The following UGGT1 variants were observed in gnomAD, a reference collection of about 807,000 sequenced individuals.
UGGT1 encodes the protein UDP-glucose:glycoprotein glucosyltransferase 1.
UGGT1 carries 107 observed loss-of-function variants against 203.9 expected under a neutral mutation model. The observed-to-expected ratio is 0.52, with a 90% CI of 0.45 to 0.62. The LOEUF is 0.62. Among genes scored for constraint, UGGT1 ranks in the 20% least tolerant of loss-of-function variants. UGGT1 has a pLI of 0.00. For missense variants in UGGT1, 1,673 were observed against 1,867.2 expected, an observed-to-expected ratio of 0.90 and a Z score of 1.92; for synonymous variants, 628 against 653.5, an observed-to-expected ratio of 0.96 and a Z score of 0.59.
intron 5 of UGGT1, 136 bp downstream of exon 5, chr2:128,109,882 G>T: frequency 3.1e-6 from 2 of 642,332 alleles, no homozygotes; most frequent in East Asian, 2.8e-5. Flanking sequence ...GAACCAGACT[G>T]ACTATATTTG....
At chr2:128,154,192 C>T (rs957570483) in intron 19 of UGGT1, among the ~76,000 whole-genome samples, 3 of 152,112 alleles carry the variant, frequency 2.0e-5, no homozygotes, top group Admixed American at 2.0e-4. Context: ...GCCGGGTTTT[C>T]CTTTCTTCCC....
At chr2:128,182,415 A>C (rs1691740035) in intron 37 of UGGT1, 125 bp downstream of exon 37, 2 of 1,260,582 alleles carry the variant, frequency 1.6e-6, no homozygotes, top group Non-Finnish European at 2.1e-6. Context: ...AAAAATACAC[A>C]GTGGCTGGGT....
Position 128,148,464 on chromosome 2 carries a change from C to T in UGGT1, c.2016+2497C>T, listed in dbSNP as rs1053706160. 5.3e-5 allele frequency among the ~76,000 whole-genome samples: 8 copies of T among 152,288 alleles called. No individual in the cohort carries two copies. The East Asian group carries it at 1.2e-3, about 22-fold the overall frequency. ...TTTAACTTACTGGTCAGCTGATGAA[C>T]GAACAGAGATTTCCTTTGATGCATG... On this transcript the variant is annotated intron_variant, in intron 18 of 40. Coordinates refer to ENST00000259253, the MANE Select transcript of UGGT1 (RefSeq NM_020120.4).
rs147310630 is a variant in UGGT1 at position 128,103,065 on chromosome 2, A to G, written c.195-867A>G. On this transcript the variant is annotated intron_variant, in intron 2 of 40. Coordinates refer to ENST00000259253, the MANE Select transcript of UGGT1 (RefSeq NM_020120.4). Reference sequence around the variant, plus strand: ...AGGAAATGTTTCTTATTTTTCCCATATTTCTGTGTCTAGCTGTGGAGTAGA... The same window carrying G: ...AGGAAATGTTTCTTATTTTTCCCATGTTTCTGTGTCTAGCTGTGGAGTAGA... 5.2e-4 allele frequency: 246 copies of G among 470,946 alleles called. 1 individual carries two copies. The highest frequency in any genetic ancestry group is 4.5e-3 in the African/African-American group (228 of 50,198). 29.2% of individuals were successfully genotyped at this position (470,946 alleles called of 1,614,324 possible).
chr2:128,122,654 A>G (rs1573530071), intron 10 of UGGT1, among the ~76,000 whole-genome samples: 1 of 152,188 alleles, frequency 6.6e-6, no homozygotes, highest in Non-Finnish European at 1.5e-5. Flanking sequence ...TTTAGAAACT[A>G]TTGACTTGAA....
chr2:128,183,909 GGTGTGTGT>G (rs558911313), intron 38 of UGGT1, 120 bp downstream of exon 38: 13 of 340,476 alleles, frequency 3.8e-5, no homozygotes, highest in African/African-American at 8.8e-5. Flanking sequence ...GTTTTTTCAT[GGTGTGTGT>G]GTGTGTGTGT....
intron 2 of UGGT1, among the ~76,000 whole-genome samples, chr2:128,101,666 A>G (rs1156604000): frequency 1.3e-5 from 2 of 152,178 alleles, no homozygotes; most frequent in African/African-American, 4.8e-5. Flanking sequence ...GAAAGTCAGT[A>G]GCATCTCTGA....
At chr2:128,138,585 T>C in intron 15 of UGGT1, 132 bp from the exon 16 acceptor site, 1 of 1,040,994 alleles carries the variant, frequency 9.6e-7, no homozygotes, top group South Asian at 1.6e-5. Context: ...GAGTAGGCTG[T>C]GAACTGTGCT....
intron 2 of UGGT1, among the ~76,000 whole-genome samples, chr2:128,100,411 A>G (rs1687324845): frequency 6.6e-6 from 1 of 151,178 alleles, no homozygotes; most frequent in African/African-American, 2.4e-5. Context: ...ATTCTGTTTA[A>G]CATTCTTTTT....
intron 26 of UGGT1, among the ~76,000 whole-genome samples, chr2:128,166,043 T>C (rs1329271895): frequency 6.6e-6 from 1 of 152,256 alleles, no homozygotes; most frequent in Non-Finnish European, 1.5e-5. Flanking sequence ...CCGAAAACTT[T>C]TGTTTTAAAT....
chr2:128,185,096 A>G (rs1291265416), intron 38 of UGGT1, among the ~76,000 whole-genome samples: 2 of 151,178 alleles, frequency 1.3e-5, no homozygotes, highest in African/African-American at 2.4e-5. Flanking sequence ...TCTATCACAT[A>G]TTTGTTTATC....
At chr2:128,150,257 G>A (rs1323980515) in intron 18 of UGGT1, among the ~76,000 whole-genome samples, 8 of 152,066 alleles carry the variant, frequency 5.3e-5, no homozygotes, top group South Asian at 2.1e-4. Flanking sequence ...CTAACATAAC[G>A]AGACCTCATC....
intron 26 of UGGT1, among the ~76,000 whole-genome samples, chr2:128,165,788 G>T (rs1355514136): frequency 2.6e-5 from 4 of 151,924 alleles, no homozygotes; most frequent in African/African-American, 9.7e-5. Flanking sequence ...AAAAAACAGG[G>T]TTTCATTCTG....
At chr2:128,168,625 G>A (rs1466413030) in intron 26 of UGGT1, among the ~76,000 whole-genome samples, 1 of 152,202 alleles carries the variant, frequency 6.6e-6, no homozygotes, top group Non-Finnish European at 1.5e-5. Context: ...CAAAAATTGG[G>A]TATAATTTTA....
intron 39 of UGGT1, 187 bp from the exon 40 acceptor site, chr2:128,187,262 A>T: frequency 1.9e-6 from 1 of 524,046 alleles, no homozygotes; most frequent in Non-Finnish European, 3.1e-6. Context: ...TTAGCCACTC[A>T]CACATTCTTT....
chr2:128,129,323 T>C (rs1208851212), intron 13 of UGGT1, 144 bp downstream of exon 13: 1 of 992,270 alleles, frequency 1.0e-6, no homozygotes, highest in East Asian at 2.8e-5. Context: ...TATGGGACTT[T>C]GTGTATGTAA....
rs749804501 is a variant in UGGT1 at position 128,115,075 on chromosome 2, A to G, written c.697-49A>G. On this transcript the variant is annotated intron_variant, in intron 6 of 40. Transcript: ENST00000259253. Reference sequence around the variant, plus strand: ...ACATGGTCATGCCATGTACACTGTGACATAGAAAGAGCTAGGTGGTAATGA... The same window carrying G: ...ACATGGTCATGCCATGTACACTGTGGCATAGAAAGAGCTAGGTGGTAATGA... 3.2e-6 allele frequency: 5 copies of G among 1,544,892 alleles called. No homozygotes were observed. In the South Asian group the frequency reaches 4.5e-5, roughly 14 times the overall value.
chr2:128,181,915 C>G (rs1419735442), intron 36 of UGGT1, among the ~76,000 whole-genome samples: 2 of 152,168 alleles, frequency 1.3e-5, no homozygotes, highest in Non-Finnish European at 2.9e-5. Flanking sequence ...TGTTTTATTC[C>G]TACTCCCACA....
intron 22 of UGGT1, among the ~76,000 whole-genome samples, chr2:128,159,138 C>T (rs1487209682): frequency 7.4e-6 from 1 of 135,478 alleles, no homozygotes; most frequent in Non-Finnish European, 1.5e-5. Flanking sequence ...CTTACTCTGT[C>T]ATCCAGGCTG....
Sources: gnomAD v4.1 joint callset for allele counts (sites outside exome capture counted in the v4.1 genomes callset) on GRCh38, gnomAD v4.1.1 for gene constraint, MANE v1.5 for transcripts, NCBI Gene and HGNC (gene_info 2026-07-23, HGNC 2026-07-21) for gene names.